Variants in SYNE2 observed in about 807,000 individuals in gnomAD.
SYNE2 encodes the protein spectrin repeat containing nuclear envelope protein 2, also known as nesprin-2.
Under a neutral mutation model 856.3 loss-of-function variants are expected in SYNE2, and 431 were observed. The observed-to-expected ratio is 0.50, with a 90% CI of 0.47 to 0.55. The LOEUF (loss-of-function observed/expected upper bound fraction) is 0.55, where lower values mean the gene tolerates loss of function less well. SYNE2 is among the 20% of genes least tolerant of loss of function. The probability of loss-of-function intolerance (pLI) is 0.00; values close to 1 mark genes in which losing one functional copy is unlikely to be tolerated. For synonymous variants in SYNE2, 2,923 were observed against 2,872.3 expected (o/e 1.02, Z -0.56); for missense variants, 8,129 against 8,023.2 (o/e 1.01, Z -0.50).
Position 64,190,056 on chromosome 14 carries a change from T to C in SYNE2, c.17872-15T>C, listed in dbSNP as rs763779210. The C allele has an allele frequency of 6.2e-7, 1 of 1,613,960 alleles. No homozygotes were observed. The highest frequency in any genetic ancestry group is 1.1e-5 in the South Asian group (1 of 91,048). ...GGCTAATTAGCCAGGCTTTATGTTT[T>C]GGTGCCTTTGCCAGGACTGCATGGA... On this transcript the variant is annotated splice_polypyrimidine_tract_variant and intron_variant, in intron 98 of 115. Coordinates refer to ENST00000555002, the MANE Select transcript of SYNE2 (RefSeq NM_182914.3).
Position 64,152,712 on chromosome 14 carries a change from C to A in SYNE2, c.15788C>A (p.Thr5263Asn). 1 of 1,614,062 alleles carries A rather than the reference C, an allele frequency of 6.2e-7. No individual in the cohort carries two copies. The highest frequency in any genetic ancestry group is 1.3e-5 in the African/African-American group (1 of 75,040). ...TTTCAAAAGAGAAGCAGTGTTCTCACTCAGGTACTAGAATTCATTTGAAAT... is the reference window on the plus strand; with the variant it reads ...TTTCAAAAGAGAAGCAGTGTTCTCAATCAGGTACTAGAATTCATTTGAAAT... ...ELFQKRSSVL[T>N]QVNQLKTSMQ... The change falls in exon 85 of 116, where the codon ACT becomes AAT. Residue 5263 changes from threonine (T) to asparagine (N), a missense_variant. Physicochemically the swap from Thr to Asn is moderately conservative, Grantham distance 65. Coordinates refer to ENST00000555002, the MANE Select transcript of SYNE2 (RefSeq NM_182914.3).
chr14:64,140,822 CT>C (rs2098133217), intron 80 of SYNE2, among the ~76,000 whole-genome samples: 1 of 151,592 alleles, frequency 6.6e-6, no homozygotes, highest in South Asian at 2.1e-4. Context: ...ATGTATTACT[CT>C]TGTAATATAA....
rs2098337458 is a variant in SYNE2, at chr14:64,162,534, A to G, written c.16299+258A>G. On this transcript the variant is annotated intron_variant, in intron 88 of 115. Coordinates refer to ENST00000555002, the MANE Select transcript of SYNE2 (RefSeq NM_182914.3). Reference sequence around the variant, plus strand: ...GTCTGTGCTTTCTCTCTAGTGTTACATCTCTAAGGCAAAAGCTTCATATGA... The same window carrying G: ...GTCTGTGCTTTCTCTCTAGTGTTACGTCTCTAAGGCAAAAGCTTCATATGA... 5 of 512,168 alleles carry G rather than the reference A, an allele frequency of 9.8e-6. 1 individual carries two copies. Among genetic ancestry groups the G allele is most frequent in the South Asian group, 8.0e-5 (4 of 50,150 alleles). 31.7% of individuals were successfully genotyped at this position (512,168 alleles called of 1,614,324 possible).
At chr14:63,908,622 A>T (rs1001379397) in intron 1 of SYNE2, among the ~76,000 whole-genome samples, 1 of 152,222 alleles carries the variant, frequency 6.6e-6, no homozygotes, top group Non-Finnish European at 1.5e-5. Flanking sequence ...TTCACTTTGC[A>T]AGCTATGCAG....
chr14:64,210,275 A>C, intron 103 of SYNE2, 151 bp downstream of exon 103: 1 of 1,064,822 alleles, frequency 9.4e-7, no homozygotes, highest in Non-Finnish European at 1.3e-6. Context: ...AAGAAGCCCA[A>C]AGCTGCCAAC....
intron 61 of SYNE2, among the ~76,000 whole-genome samples, chr14:64,093,821 T>C (rs1247443856): frequency 6.6e-6 from 1 of 152,186 alleles, no homozygotes; most frequent in African/African-American, 2.4e-5. Flanking sequence ...TAAGTGCCCA[T>C]GGCCTCAGCT....
At position 64,089,263 on chromosome 14, in the gene SYNE2, G is replaced by T. The variant is rs534989348; in HGVS notation, c.11671-311G>T. On this transcript the variant is annotated intron_variant, in intron 58 of 115. Coordinates refer to ENST00000555002, the MANE Select transcript of SYNE2 (RefSeq NM_182914.3). The stretch of plus-strand genomic sequence containing the variant: ...TGCCTGTAATCCCAGCTATTCAGGA[G>T]GCTGAGGCAGGAGAATCGCTTGAAC... 2.9e-3 allele frequency among the ~76,000 whole-genome samples: 445 copies of T among 151,088 alleles called. 3 individuals carry two copies. Among genetic ancestry groups the T allele is most frequent in the Middle Eastern group, 0.017 (5 of 294 alleles).
intron 1 of SYNE2, among the ~76,000 whole-genome samples, chr14:63,892,143 A>C (rs2095146825): frequency 6.6e-6 from 1 of 152,140 alleles, no homozygotes; most frequent in African/African-American, 2.4e-5. Context: ...ACAATCCTTC[A>C]TCAGTGGGAA....
intron 1 of SYNE2, among the ~76,000 whole-genome samples, chr14:63,865,254 C>A (rs1324225397): frequency 7.8e-6 from 1 of 128,664 alleles, no homozygotes; most frequent in Non-Finnish European, 1.6e-5. Context: ...ATATATGAGC[C>A]CTAATTCTTC....
At chr14:64,001,379 A>G (rs748316659) in intron 28 of SYNE2, among the ~76,000 whole-genome samples, 6 of 152,202 alleles carry the variant, frequency 3.9e-5, no homozygotes, top group Non-Finnish European at 8.8e-5. Context: ...TGTGGTATAT[A>G]TTACACTGCT....
At chr14:63,969,098 G>A (rs2096438048) in intron 11 of SYNE2, among the ~76,000 whole-genome samples, 1 of 151,428 alleles carries the variant, frequency 6.6e-6, no homozygotes, top group South Asian at 2.1e-4. Context: ...GTCTTTCTGT[G>A]CCTAGCTTAT....
chr14:63,902,407 C>CAAA (rs10533353), intron 1 of SYNE2, among the ~76,000 whole-genome samples: 126 of 74,570 alleles, frequency 1.7e-3, no homozygotes, highest in Middle Eastern at 7.8e-3. Flanking sequence ...CGAGACTCCT[C>CAAA]AAAAAAAAAA....
intron 96 of SYNE2, among the ~76,000 whole-genome samples, chr14:64,179,541 T>C (rs559372005): frequency 6.6e-6 from 1 of 152,374 alleles, no homozygotes; most frequent in African/African-American, 2.4e-5. Context: ...TATAAGAATA[T>C]ACAACAATTT....
intron 1 of SYNE2, among the ~76,000 whole-genome samples, chr14:63,843,479 A>T (rs193046389): frequency 6.6e-6 from 1 of 152,222 alleles, no homozygotes; most frequent in Non-Finnish European, 1.5e-5. Context: ...TTAAACCTTT[A>T]TTTGAATTGT....
intron 63 of SYNE2, among the ~76,000 whole-genome samples, chr14:64,100,523 AAAAAAAAAATAT>A (rs1287899037): frequency 7.8e-4 from 55 of 70,932 alleles, no homozygotes; most frequent in East Asian, 6.6e-3. Flanking sequence ...TCAAAAAAAA[AAAAAAAAAATAT>A]ATATATATAT....
chr14:64,157,392 G>A (rs2098294750), intron 85 of SYNE2, among the ~76,000 whole-genome samples: 1 of 152,164 alleles, frequency 6.6e-6, no homozygotes, highest in Admixed American at 6.5e-5. Context: ...ATGTTTTCAA[G>A]ATCATCGGTG....
Position 64,021,350 on chromosome 14 carries a change from T to A in SYNE2, c.5187T>A (p.His1729Gln), listed in dbSNP as rs116597541. The A allele has an allele frequency of 1.5e-3, 2,471 of 1,614,140 alleles. 23 individuals are homozygous for A. The African/African-American group carries it at 0.028, about 19-fold the overall frequency. The change falls in exon 36 of 116, where the codon CAT (histidine) becomes CAA (glutamine). Residue 1729 changes from histidine to glutamine, a missense_variant. Transcript: ENST00000555002. Reference protein sequence around the residue: ...MESSILNKMEHVQKCLTGESN... With the variant: ...MESSILNKMEQVQKCLTGESN... Reference sequence around the variant, plus strand: ...CCTCTATTTTGAACAAGATGGAACATGTACAGAAGTGCTTAACAGGAGAAT... The same window carrying A: ...CCTCTATTTTGAACAAGATGGAACAAGTACAGAAGTGCTTAACAGGAGAAT...
chr14:64,015,424 T>G (rs150119187), intron 32 of SYNE2, among the ~76,000 whole-genome samples: 50 of 152,220 alleles, frequency 3.3e-4, no homozygotes, highest in African/African-American at 1.2e-3. Flanking sequence ...GTTGCAGTAG[T>G]GTTTTTCAAA....
intron 1 of SYNE2, among the ~76,000 whole-genome samples, chr14:63,861,362 C>T (rs967585554): frequency 1.3e-5 from 2 of 151,908 alleles, no homozygotes; most frequent in Non-Finnish European, 2.9e-5. Flanking sequence ...TCATGCTGGT[C>T]TCGAACTCCT....
Sources: gnomAD v4.1 joint callset for allele counts (sites outside exome capture counted in the v4.1 genomes callset) on GRCh38, gnomAD v4.1.1 for gene constraint, MANE v1.5 for transcripts, NCBI Gene and HGNC (gene_info 2026-07-23, HGNC 2026-07-21) for gene names.